Variants in EYA4 observed in about 807,000 individuals in gnomAD.
The protein encoded by EYA4 is protein phosphatase EYA4.
EYA4 carries 31 observed loss-of-function variants against 87.9 expected under a neutral mutation model. The ratio of observed to expected loss-of-function variants is 0.35; its 90% confidence interval spans 0.27 to 0.48. The LOEUF (loss-of-function observed/expected upper bound fraction) is 0.48. EYA4 is among the 20% of genes least tolerant of loss of function. The pLI is 0.99. For missense variants in EYA4, 678 were observed against 761.4 expected, an observed-to-expected ratio of 0.89 and a Z score of 1.29; for synonymous variants, 263 against 270.6, an observed-to-expected ratio of 0.97 and a Z score of 0.28.
chr6:133,335,542 A>G (rs1031933441), intron 2 of EYA4, among the ~76,000 whole-genome samples: 1 of 152,224 alleles, frequency 6.6e-6, no homozygotes, highest in South Asian at 2.1e-4. Context: ...CATGCAAATA[A>G]GTATACAATC....
At chr6:133,375,973 A>G (rs576688823) in intron 2 of EYA4, among the ~76,000 whole-genome samples, 1 of 151,672 alleles carries the variant, frequency 6.6e-6, no homozygotes. Flanking sequence ...TTCATATAAG[A>G]CTCTAGGCAT....
chr6:133,432,260 G>C (rs1294056582), intron 3 of EYA4, among the ~76,000 whole-genome samples: 1 of 152,192 alleles, frequency 6.6e-6, no homozygotes, highest in Non-Finnish European at 1.5e-5. Context: ...GCAAGGACCA[G>C]GTGGAGCAGT....
intron 1 of EYA4, among the ~76,000 whole-genome samples, chr6:133,270,396 A>T (rs1162411750): frequency 6.6e-6 from 1 of 152,256 alleles, no homozygotes; most frequent in East Asian, 1.9e-4. Context: ...TTAAATGCCG[A>T]TATGAAGTCA....
chr6:133,394,289 T>TTTTTTG (rs1562369175), intron 3 of EYA4, among the ~76,000 whole-genome samples: 270 of 18,154 alleles, frequency 0.015, 11 homozygotes, highest in African/African-American at 0.02. Flanking sequence ...CTTGTGTTTT[T>TTTTTTG]TTTTTTTTTT....
At chr6:133,382,515 G>C (rs1005020175) in intron 3 of EYA4, 74 bp downstream of exon 3, 1 of 970,034 alleles carries the variant, frequency 1.0e-6, no homozygotes, top group Non-Finnish European at 1.7e-6. Context: ...TGTTATACCT[G>C]AGACACAATT....
chr6:133,493,042 A>G (rs993871417), intron 13 of EYA4, among the ~76,000 whole-genome samples: 1 of 152,232 alleles, frequency 6.6e-6, no homozygotes, highest in Non-Finnish European at 1.5e-5. Context: ...CAATCTATCA[A>G]TTCAATGCAA....
rs537957319 is a variant in EYA4 at position 133,287,581 on chromosome 6, G to A, written c.33+12768G>A. Reference sequence around the variant, plus strand: ...TTTGAAGCCAAGCTGAGATGTTTTCGTGTTCTTGGGTGGCCACCATGATGC... The same window carrying A: ...TTTGAAGCCAAGCTGAGATGTTTTCATGTTCTTGGGTGGCCACCATGATGC... On this transcript the variant is annotated intron_variant, in intron 2 of 19. Coordinates refer to ENST00000355286, the MANE Select transcript of EYA4 (RefSeq NM_004100.5). Among the ~76,000 whole-genome samples, 7 of 152,304 alleles carry A rather than the reference G, an allele frequency of 4.6e-5. No individual in the cohort carries two copies. The South Asian group carries it at 8.3e-4, about 18-fold the overall frequency.
At chr6:133,381,077 T>C (rs1370068119) in intron 2 of EYA4, among the ~76,000 whole-genome samples, 41 of 21,430 alleles carry the variant, frequency 1.9e-3, no homozygotes, top group Non-Finnish European at 2.4e-3. Flanking sequence ...TTTTTTTTCT[T>C]TTTTTTTTTT....
At chr6:133,467,370 C>A (rs1176383558) in intron 10 of EYA4, among the ~76,000 whole-genome samples, 3 of 152,060 alleles carry the variant, frequency 2.0e-5, no homozygotes, top group Admixed American at 1.3e-4. Context: ...GTATTAAGAC[C>A]ACATAAGAGA....
intron 3 of EYA4, among the ~76,000 whole-genome samples, chr6:133,395,652 TC>T (rs1787722796): frequency 6.6e-6 from 1 of 152,190 alleles, no homozygotes; most frequent in Non-Finnish European, 1.5e-5. Flanking sequence ...TCCCTGGTAC[TC>T]AGCAGGCTGA....
chr6:133,528,747 T>C lies in EYA4; in HGVS notation c.1862T>C (p.Ile621Thr). 2 of 1,613,350 alleles carry C rather than the reference T, an allele frequency of 1.2e-6. No individual in the cohort carries two copies. Among genetic ancestry groups the C allele is most frequent in the Non-Finnish European group, 1.7e-6 (2 of 1,179,380 alleles). Residue 621 changes from isoleucine to threonine, a missense_variant, in exon 20 of 20, where the codon ATA becomes ACA. Coordinates refer to ENST00000355286, the MANE Select transcript of EYA4 (RefSeq NM_004100.5). The part of the protein sequence containing the change: ...AKKHNMPFWR[I>T]SSHSDLLALH... ...CAGCACAACATGCCCTTCTGGAGGA[T>C]ATCCAGTCACTCAGACCTCCTGGCT...
chr6:133,411,815 C>T (rs1342244291), intron 3 of EYA4, among the ~76,000 whole-genome samples: 1 of 152,150 alleles, frequency 6.6e-6, no homozygotes, highest in East Asian at 1.9e-4. Context: ...CATAAATCTT[C>T]TCATATTCCT....
At chr6:133,411,120 A>G (rs561557117) in intron 3 of EYA4, among the ~76,000 whole-genome samples, 79 of 152,302 alleles carry the variant, frequency 5.2e-4, no homozygotes, top group African/African-American at 1.8e-3. Flanking sequence ...GTTTAACACT[A>G]CATGATGTTT....
At chr6:133,427,329 A>G (rs1472995392) in intron 3 of EYA4, among the ~76,000 whole-genome samples, 1 of 152,226 alleles carries the variant, frequency 6.6e-6, no homozygotes, top group Non-Finnish European at 1.5e-5. Flanking sequence ...TCTGTACAAG[A>G]TAGTGTCAAT....
intron 2 of EYA4, among the ~76,000 whole-genome samples, chr6:133,345,517 C>T (rs369463748): frequency 3.9e-5 from 6 of 152,208 alleles, no homozygotes; most frequent in Admixed American, 3.3e-4. Flanking sequence ...ATAAATTTTG[C>T]TGATTATCAA....
intron 2 of EYA4, among the ~76,000 whole-genome samples, chr6:133,317,504 A>G (rs2128344962): frequency 6.6e-6 from 1 of 152,278 alleles, no homozygotes; most frequent in South Asian, 2.1e-4. Context: ...CTTTGCTTTT[A>G]TATAGGAACT....
At chr6:133,312,321 T>G (rs959433032) in intron 2 of EYA4, among the ~76,000 whole-genome samples, 2 of 151,688 alleles carry the variant, frequency 1.3e-5, no homozygotes, top group African/African-American at 4.9e-5. Context: ...TTGGCAAACA[T>G]TAACATTTGG....
chr6:133,436,752 G>C (rs1271616595), intron 3 of EYA4, among the ~76,000 whole-genome samples: 1 of 152,174 alleles, frequency 6.6e-6, no homozygotes, highest in Non-Finnish European at 1.5e-5. Flanking sequence ...TTTATGCAAA[G>C]AGAAAAAGCT....
intron 2 of EYA4, among the ~76,000 whole-genome samples, chr6:133,344,001 ATTACT>A (rs1783012069): frequency 6.6e-6 from 1 of 152,192 alleles, no homozygotes; most frequent in South Asian, 2.1e-4. Context: ...TGAGGAAATC[ATTACT>A]TTGGTGATGT....
Sources: allele counts gnomAD v4.1 joint callset (sites outside exome capture counted in the v4.1 genomes callset), GRCh38; gene constraint gnomAD v4.1.1; transcripts MANE v1.5; gene names NCBI Gene and HGNC (gene_info 2026-07-23, HGNC 2026-07-21).